Variants in CIB2 observed in about 807,000 individuals in gnomAD.
The protein encoded by CIB2 is calcium and integrin-binding family member 2.
CIB2 carries 19 observed loss-of-function variants against 23.1 expected under a neutral mutation model. The ratio of observed to expected loss-of-function variants is 0.82; its 90% CI spans 0.57 to 1.21. CIB2 has a LOEUF of 1.21. Ranked by LOEUF, CIB2 falls within the 50% of genes most tolerant of loss-of-function variation. The pLI is 0.00. For missense variants in CIB2, 220 were observed against 241.5 expected, an observed-to-expected ratio of 0.91 and a Z score of 0.59; for synonymous variants, 94 against 91.7, an observed-to-expected ratio of 1.03 and a Z score of -0.14.
intron 4 of CIB2, among the ~76,000 whole-genome samples, 156 bp from the exon 5 acceptor site, chr15:78,106,090 C>A (rs933879476): frequency 2.6e-5 from 4 of 152,204 alleles, no homozygotes. Flanking sequence ...TGGATCCCTG[C>A]CCCCAAGAGG....
intron 2 of CIB2, among the ~76,000 whole-genome samples, chr15:78,117,643 T>A (rs945783754): frequency 1.2e-4 from 19 of 152,378 alleles, no homozygotes; most frequent in Middle Eastern, 3.4e-3. Flanking sequence ...GATCTTACAC[T>A]ATAAACCTGG....
chr15:78,112,775 C>A (rs1347896711), intron 2 of CIB2, among the ~76,000 whole-genome samples: 1 of 152,176 alleles, frequency 6.6e-6, no homozygotes, highest in Non-Finnish European at 1.5e-5. Flanking sequence ...AGTGGCTTGA[C>A]CCTGTGACAC....
chr15:78,126,187 G>C (rs542482228), intron 1 of CIB2, among the ~76,000 whole-genome samples: 1 of 137,138 alleles, frequency 7.3e-6, no homozygotes, highest in African/African-American at 2.7e-5. Context: ...CTGTCACCCA[G>C]GCTGGAGTAC....
At chr15:78,128,497 C>A (rs1286160647) in intron 1 of CIB2, among the ~76,000 whole-genome samples, 1 of 152,066 alleles carries the variant, frequency 6.6e-6, no homozygotes, top group Non-Finnish European at 1.5e-5. Context: ...GCCAACATGG[C>A]AAAACCCTGT....
chr15:78,120,736 T>A, intron 2 of CIB2: 2 of 985,594 alleles, frequency 2.0e-6, no homozygotes, highest in East Asian at 2.3e-4. Flanking sequence ...GCCCCAAAGT[T>A]GCCACAGAGC....
At chr15:78,112,325 G>T in intron 2 of CIB2, among the ~76,000 whole-genome samples, 1 of 152,184 alleles carries the variant, frequency 6.6e-6, no homozygotes, top group Non-Finnish European at 1.5e-5. Flanking sequence ...CCAGTGTTTT[G>T]GGAGGCTGAG....
Position 78,104,964 on chromosome 15 carries a change from C to T in CIB2, c.*347G>A, listed in dbSNP as rs760180000. The T allele has an allele frequency of 1.5e-5, 5 of 334,534 alleles. No homozygotes were observed. Among genetic ancestry groups the T allele is most frequent in the African/African-American group, 6.3e-5 (3 of 47,728 alleles). The allele number at this position is 334,534 out of a possible 1,614,324, so 20.7% of individuals were successfully genotyped here. Reference sequence around the variant, plus strand: ...CAGGGTGTCTGCCAGCACTTGGACACGTCAGACCCCACCACCTCCTGTTGG... The same window carrying T: ...CAGGGTGTCTGCCAGCACTTGGACATGTCAGACCCCACCACCTCCTGTTGG... On this transcript the variant is annotated 3_prime_UTR_variant, in exon 6 of 6. Transcript: ENST00000258930. The surrounding 1 kb of genome is among the most constrained non-coding windows in gnomAD (Gnocchi z 4.4).
intron 1 of CIB2, among the ~76,000 whole-genome samples, chr15:78,126,234 C>G (rs1013193480): frequency 6.6e-6 from 1 of 151,584 alleles, no homozygotes; most frequent in Non-Finnish European, 1.5e-5. Context: ...CCTCCGCCTC[C>G]TGGGTTCAAG....
intron 3 of CIB2, chr15:78,110,657 T>C (rs1374508467): frequency 2.2e-6 from 1 of 456,172 alleles, no homozygotes; most frequent in Non-Finnish European, 4.4e-6. Context: ...CAGTCTCACC[T>C]GGGAACTTGC....
intron 3 of CIB2, among the ~76,000 whole-genome samples, chr15:78,110,285 A>G (rs967421566): frequency 2.0e-5 from 3 of 152,224 alleles, no homozygotes; most frequent in African/African-American, 7.2e-5. Context: ...GGAGGCTCAG[A>G]GACAGACCAC....
At chr15:78,116,464 CAAAAA>C (rs1351635361) in intron 2 of CIB2, among the ~76,000 whole-genome samples, 1 of 77,810 alleles carries the variant, frequency 1.3e-5, no homozygotes, top group Non-Finnish European at 2.8e-5. Context: ...TCCTGCCTGA[CAAAAA>C]AAAAAAAAAA....
intron 1 of CIB2, among the ~76,000 whole-genome samples, chr15:78,124,727 G>C (rs7163268): frequency 6.6e-6 from 1 of 152,158 alleles, no homozygotes; most frequent in Admixed American, 6.5e-5. Context: ...GCAGAGCCCA[G>C]AGCCCATAGG....
At chr15:78,117,275 A>AAAAAAAAAAAAAAAAT (rs2074254789) in intron 2 of CIB2, among the ~76,000 whole-genome samples, 5 of 139,262 alleles carry the variant, frequency 3.6e-5, no homozygotes, top group African/African-American at 5.6e-5. Context: ...AAAAAAAAAA[A>AAAAAAAAAAAAAAAAT]GTTTGTTTAA....
chr15:78,109,283 C>T lies in CIB2; in HGVS notation c.298G>A (p.Glu100Lys), dbSNP rs756137635. 3.7e-6 allele frequency: 6 copies of T among 1,609,328 alleles called. No individual in the cohort carries two copies. The highest frequency in any genetic ancestry group is 1.3e-5 in the African/African-American group (1 of 74,210). ...DFVDMFSVLC[E>K]SAPRELKANY... ...GCCTTGAGCTCTCGGGGAGCCGACT[C>T]GCAGAGCACGGAAAACATGTCCACA... is the stretch of plus-strand genomic sequence containing the variant. The change falls in exon 4 of 6, where the codon GAG (glutamate) becomes AAG (lysine). Residue 100 changes from glutamate (E) to lysine (K), a missense_variant. Physicochemically the swap from Glu to Lys is moderately conservative, Grantham distance 56. Transcript: ENST00000258930.
rs60332437 is a variant in CIB2 at position 78,117,246 on chromosome 15, CAAAAAAAAAAAAAAA to C, written c.87-5985_87-5971del. ...GTTAAGTGTTTCTTCAAGCTACTGG[CAAAAAAAAAAAAAAA>C]AAAAAAAAAAAAAAGTTTGTTTAAA... On this transcript the variant is annotated intron_variant, in intron 2 of 5. Coordinates refer to ENST00000258930, the MANE Select transcript of CIB2 (RefSeq NM_006383.4). 2.3e-4 allele frequency among the ~76,000 whole-genome samples: 13 copies of C among 55,476 alleles called. 1 individual carries two copies. Among genetic ancestry groups the C allele is most frequent in the Admixed American group, 1.8e-3 (7 of 3,970 alleles). The allele number at this position is 55,476 out of a possible 152,430, so 36.4% of individuals were successfully genotyped here.
Position 78,131,197 on chromosome 15 carries a change from T to G in CIB2, c.19A>C (p.Ile7Leu), listed in dbSNP as rs2074450852. 1.3e-6 allele frequency: 2 copies of G among 1,585,058 alleles called. No homozygotes were observed. Among genetic ancestry groups the G allele is most frequent in the African/African-American group, 2.7e-5 (2 of 73,576 alleles). Residue 7 changes from isoleucine (I) to leucine (L), a missense_variant, in exon 1 of 6, where the codon ATC (isoleucine) becomes CTC (leucine). Ile to Leu is a conservative substitution (Grantham distance 5). Coordinates refer to ENST00000258930, the MANE Select transcript of CIB2 (RefSeq NM_006383.4). The surrounding 1 kb of genome is among the most constrained non-coding windows in gnomAD (Gnocchi z 5.8). MGNKQT[I>L]FTEEQLDNYQ... is the part of the protein sequence containing the mutation. ...TTGTCTAGCTGCTCTTCGGTGAAGA[T>G]GGTCTGCTTGTTCCCCATGGTGGCC...
chr15:78,113,964 G>T (rs2074199951), intron 2 of CIB2, among the ~76,000 whole-genome samples: 2 of 152,186 alleles, frequency 1.3e-5, no homozygotes, highest in Non-Finnish European at 2.9e-5. Flanking sequence ...AGTTTTGTGG[G>T]ATGGCTGCAG....
intron 1 of CIB2, among the ~76,000 whole-genome samples, chr15:78,126,329 G>T (rs1243754980): frequency 2.0e-5 from 3 of 152,120 alleles, no homozygotes; most frequent in Non-Finnish European, 2.9e-5. Context: ...TCTTAGTATA[G>T]AGATGGGGTT....
At chr15:78,129,320 G>A (rs2074422981) in intron 1 of CIB2, among the ~76,000 whole-genome samples, 1 of 152,064 alleles carries the variant, frequency 6.6e-6, no homozygotes, top group Non-Finnish European at 1.5e-5. Flanking sequence ...GCTAGGCTCT[G>A]GCAAAGAATC....
Sources: gnomAD v4.1 joint callset for allele counts (sites outside exome capture counted in the v4.1 genomes callset) on GRCh38, gnomAD v4.1.1 for gene constraint, Gnocchi (gnomAD v3.1) non-coding constraint, MANE v1.5 for transcripts, NCBI Gene and HGNC (gene_info 2026-07-23, HGNC 2026-07-21) for gene names.